BNC2: variants seen among roughly 807,000 people sequenced by gnomAD.
The protein encoded by BNC2 is zinc finger protein basonuclin-2.
Under a neutral mutation model 76.3 loss-of-function variants are expected in BNC2, and 20 were observed. The ratio of observed to expected loss-of-function variants is 0.26; its 90% CI spans 0.18 to 0.38. The LOEUF (loss-of-function observed/expected upper bound fraction) is 0.38. BNC2 is among the 10% of genes least tolerant of loss of function. The pLI is 1.00. For synonymous variants in BNC2, 582 were observed against 514.8 expected (o/e 1.13, Z -1.77); for missense variants, 1,382 against 1,399.8 (o/e 0.99, Z 0.20).
At chr9:16,559,256 C>T (rs1264644023) in intron 4 of BNC2, among the ~76,000 whole-genome samples, 1 of 149,118 alleles carries the variant, frequency 6.7e-6, no homozygotes, top group Admixed American at 6.6e-5. Context: ...CATAAACTTT[C>T]TTAAATGAGA....
chr9:16,498,144 C>CAT (rs199701441), intron 5 of BNC2, among the ~76,000 whole-genome samples: 30,792 of 125,858 alleles, frequency 0.24, 4,880 homozygotes, highest in African/African-American at 0.41. Context: ...TATATTCTAT[C>CAT]ATATATATTC....
chr9:16,730,196 GAC>G (rs1824465972), intron 2 of BNC2, among the ~76,000 whole-genome samples: 1 of 152,126 alleles, frequency 6.6e-6, no homozygotes, highest in South Asian at 2.1e-4. Flanking sequence ...TATTCTGCAA[GAC>G]TTGAAATTCC....
chr9:16,434,162 G>A (rs1190252503), intron 6 of BNC2, among the ~76,000 whole-genome samples: 1 of 152,020 alleles, frequency 6.6e-6, no homozygotes, highest in African/African-American at 2.4e-5. Flanking sequence ...GTATAAGAAA[G>A]TTACTTATTT....
chr9:16,708,654 G>C (rs995095133), intron 3 of BNC2, among the ~76,000 whole-genome samples: 1 of 152,026 alleles, frequency 6.6e-6, no homozygotes. Context: ...CGGGGTGAGA[G>C]AGAAAAAGAA....
At chr9:16,491,059 A>C (rs1822269111) in intron 5 of BNC2, among the ~76,000 whole-genome samples, 1 of 152,222 alleles carries the variant, frequency 6.6e-6, no homozygotes, top group Admixed American at 6.5e-5. Context: ...CAGACAGACA[A>C]CGTGATTGTG....
chr9:16,747,105 T>C (rs776749277), intron 1 of BNC2, among the ~76,000 whole-genome samples: 3 of 152,122 alleles, frequency 2.0e-5, no homozygotes, highest in South Asian at 2.1e-4. Context: ...ACTACGAAAG[T>C]ACAGATTATT....
At chr9:16,733,260 T>G (rs1824565679) in intron 2 of BNC2, among the ~76,000 whole-genome samples, 1 of 152,158 alleles carries the variant, frequency 6.6e-6, no homozygotes, top group South Asian at 2.1e-4. Flanking sequence ...TCTGAAAAGA[T>G]AATCCACCCA....
At chr9:16,558,140 A>AT (rs1352329243) in intron 4 of BNC2, among the ~76,000 whole-genome samples, 3 of 152,084 alleles carry the variant, frequency 2.0e-5, no homozygotes, top group Non-Finnish European at 4.4e-5. Flanking sequence ...GAGCCACCAT[A>AT]CTCAGACAAT....
intron 1 of BNC2, among the ~76,000 whole-genome samples, chr9:16,853,406 C>CAA (rs34704088): frequency 2.3e-4 from 20 of 86,996 alleles, no homozygotes; most frequent in African/African-American, 7.2e-4. Context: ...GACCTTGTCT[C>CAA]AAAAAAAAAA....
chr9:16,513,250 A>G (rs532478119), intron 5 of BNC2, among the ~76,000 whole-genome samples: 1 of 152,194 alleles, frequency 6.6e-6, no homozygotes, highest in African/African-American at 2.4e-5. Flanking sequence ...AACTTTATTA[A>G]AGTAAATAGC....
chr9:16,856,568 C>A (rs996013498), intron 1 of BNC2, among the ~76,000 whole-genome samples: 1 of 152,126 alleles, frequency 6.6e-6, no homozygotes, highest in South Asian at 2.1e-4. Flanking sequence ...ACCACTGCAC[C>A]CAGCCCTTCG....
intron 3 of BNC2, among the ~76,000 whole-genome samples, chr9:16,629,902 G>T (rs928014050): frequency 1.3e-5 from 2 of 152,144 alleles, no homozygotes; most frequent in African/African-American, 4.8e-5. Context: ...GAAGACGGGT[G>T]GCTGTGGTGT....
chr9:16,660,360 A>G (rs1822075100), intron 3 of BNC2, among the ~76,000 whole-genome samples: 4 of 152,052 alleles, frequency 2.6e-5, no homozygotes, highest in Admixed American at 2.6e-4. Flanking sequence ...AGGCTGAGGA[A>G]GGAGAATAGC....
At chr9:16,793,995 C>A (rs1002593136) in intron 1 of BNC2, among the ~76,000 whole-genome samples, 6 of 151,780 alleles carry the variant, frequency 4.0e-5, no homozygotes, top group Admixed American at 3.9e-4. Context: ...AGCCACCGCG[C>A]CGGGCCTTGC....
At chr9:16,595,213 C>G (rs993856476) in intron 3 of BNC2, among the ~76,000 whole-genome samples, 1 of 152,098 alleles carries the variant, frequency 6.6e-6, no homozygotes, top group Non-Finnish European at 1.5e-5. Flanking sequence ...TGTCCATCAG[C>G]GACACATCTC....
chr9:16,453,525 T>C lies in BNC2; in HGVS notation c.670-16001A>G, dbSNP rs150320703. Among the ~76,000 whole-genome samples the C allele has an allele frequency of 2.8e-3, 420 of 152,314 alleles. 1 individual carries two copies. The highest frequency in any genetic ancestry group is 9.3e-3 in the African/African-American group (387 of 41,580). ...GTAATGGCTCACATTACATCCTAACTGGATTATTTTGATAGGTGCTCATTG... is the reference window on the plus strand; with the variant it reads ...GTAATGGCTCACATTACATCCTAACCGGATTATTTTGATAGGTGCTCATTG... On this transcript the variant is annotated intron_variant, in intron 5 of 6. Transcript: ENST00000380672.
chr9:16,573,364 T>C (rs1351999256), intron 4 of BNC2, among the ~76,000 whole-genome samples: 3 of 152,304 alleles, frequency 2.0e-5, no homozygotes, highest in East Asian at 1.9e-4. Context: ...CAAAAATATA[T>C]GGAAGAACAA....
intron 1 of BNC2, among the ~76,000 whole-genome samples, chr9:16,758,491 C>T (rs780473206): frequency 2.6e-5 from 4 of 152,038 alleles, no homozygotes; most frequent in East Asian, 1.9e-4. Flanking sequence ...CCACCACACC[C>T]GGCTCCTTTT....
rs546160827 is a variant in BNC2, at chr9:16,463,853, C to T, written c.670-26329G>A. Among the ~76,000 whole-genome samples, 7 of 151,774 alleles carry T rather than the reference C, an allele frequency of 4.6e-5. No homozygotes were observed. In the South Asian group the frequency reaches 1.0e-3, roughly 23 times the overall value. Reference sequence around the variant, plus strand: ...GCTCATGTCTGTAATCCCAGCACTTCGGGAGGCCAAGGCAGGCAGATCACT... The same window carrying T: ...GCTCATGTCTGTAATCCCAGCACTTTGGGAGGCCAAGGCAGGCAGATCACT... On this transcript the variant is annotated intron_variant, in intron 5 of 6. Transcript: ENST00000380672.
Sources: gnomAD v4.1 joint callset for allele counts (sites outside exome capture counted in the v4.1 genomes callset) on GRCh38, gnomAD v4.1.1 for gene constraint, MANE v1.5 for transcripts, NCBI Gene and HGNC (gene_info 2026-07-23, HGNC 2026-07-21) for gene names.